The following CCDC25 variants were observed in gnomAD, a reference collection of about 807,000 sequenced individuals.
The protein encoded by CCDC25 is coiled-coil domain-containing protein 25.
A neutral mutation model predicts 35.3 loss-of-function variants in CCDC25; 16 were observed. The observed-to-expected ratio is 0.45, with a 90% CI of 0.31 to 0.69. CCDC25 has a LOEUF of 0.69. Among genes scored for constraint, CCDC25 ranks in the 30% least tolerant of loss-of-function variants. The pLI is 0.06. For missense variants in CCDC25, 179 were observed against 250.7 expected (o/e 0.71, Z 1.93); for synonymous variants, 79 against 80.3 (o/e 0.98, Z 0.09).
intron 1 of CCDC25, among the ~76,000 whole-genome samples, chr8:27,769,222 C>T (rs1256403915): frequency 6.6e-6 from 1 of 152,138 alleles, no homozygotes; most frequent in African/African-American, 2.4e-5. Context: ...AAAAGATCAG[C>T]TGCACAAGTG....
intron 8 of CCDC25, among the ~76,000 whole-genome samples, chr8:27,739,668 G>A (rs1285809908): frequency 6.6e-6 from 1 of 152,118 alleles, no homozygotes; most frequent in African/African-American, 2.4e-5. Flanking sequence ...TTTTACACAA[G>A]GGACTCAAGC....
At position 27,772,410 on chromosome 8, in the gene CCDC25, A is replaced by C. The variant is rs1804660305; in HGVS notation, c.28+103T>G. The C allele has an allele frequency of 1.2e-5, 14 of 1,188,082 alleles. No individual in the cohort carries two copies. The South Asian group carries it at 1.8e-4, about 16-fold the overall frequency. 73.6% of individuals were successfully genotyped at this position (1,188,082 alleles called of 1,614,324 possible). A position where few individuals can be genotyped will look rare whatever the true frequency, so the allele number is the denominator to read the frequency against. ...GCCGCGGGAAGAGGCACTCGCATCC[A>C]GAAGGCATTTTAGAGCGAGGGTCAG... On this transcript the variant is annotated intron_variant, in intron 1 of 8. Coordinates refer to ENST00000356537, the MANE Select transcript of CCDC25 (RefSeq NM_018246.3).
chr8:27,753,545 T>C (rs997806949), intron 4 of CCDC25, among the ~76,000 whole-genome samples: 3 of 152,106 alleles, frequency 2.0e-5, no homozygotes, highest in African/African-American at 7.2e-5. Flanking sequence ...ATCCCATATC[T>C]ACCAAAAAAA....
intron 5 of CCDC25, among the ~76,000 whole-genome samples, chr8:27,748,918 C>T (rs1803699987): frequency 6.6e-6 from 1 of 151,874 alleles, no homozygotes; most frequent in South Asian, 2.1e-4. Flanking sequence ...GAATATGTTT[C>T]CTCAGATTCT....
chr8:27,741,120 T>C (rs1803421015), intron 7 of CCDC25, among the ~76,000 whole-genome samples: 1 of 152,202 alleles, frequency 6.6e-6, no homozygotes, highest in Non-Finnish European at 1.5e-5. Flanking sequence ...TCAGGCTGGA[T>C]GTGGTGCCCA....
chr8:27,768,550 G>A (rs1804480779), intron 1 of CCDC25, among the ~76,000 whole-genome samples: 1 of 133,236 alleles, frequency 7.5e-6, no homozygotes, highest in African/African-American at 2.9e-5. Flanking sequence ...GGGAGACAGA[G>A]CAAGACTCCA....
At chr8:27,738,730 G>A (rs1803339587) in intron 8 of CCDC25, among the ~76,000 whole-genome samples, 1 of 152,076 alleles carries the variant, frequency 6.6e-6, no homozygotes, top group Non-Finnish European at 1.5e-5. Flanking sequence ...CTAGATTTCT[G>A]GTGGAAAGTG....
At chr8:27,747,387 A>C (rs1163619728) in intron 7 of CCDC25, among the ~76,000 whole-genome samples, 3 of 152,206 alleles carry the variant, frequency 2.0e-5, no homozygotes, top group African/African-American at 7.2e-5. Flanking sequence ...GAAAGGGAAG[A>C]TTCTCCCCTA....
Position 27,748,188 on chromosome 8 carries a change from T to G in CCDC25, c.440A>C (p.Glu147Ala). Residue 147 changes from glutamate (E) to alanine (A), a missense_variant, in exon 7 of 9, where the codon GAG (glutamate) becomes GCG (alanine). Transcript: ENST00000356537. The part of the protein sequence containing the change: ...KVERFPDLAA[E>A]KECRDREERN... ...CTCTTCACGATCTCTGCATTCTTTC[T>G]CTGCTGCTAGGTCTGGGAACCGCTC... is the stretch of plus-strand genomic sequence containing the variant. 6.2e-7 allele frequency: 1 copy of G among 1,613,972 alleles called. No individual in the cohort carries two copies. Among genetic ancestry groups the G allele is most frequent in the Non-Finnish European group, 8.5e-7 (1 of 1,179,846 alleles).
chr8:27,757,806 GTGGGGCCT>G (rs1275203579), intron 3 of CCDC25, among the ~76,000 whole-genome samples: 1 of 152,196 alleles, frequency 6.6e-6, no homozygotes, highest in African/African-American at 2.4e-5. Flanking sequence ...AGCGTTAGAA[GTGGGGCCT>G]GGTGGGAGGT....
chr8:27,760,458 G>T (rs1804186458), intron 3 of CCDC25, among the ~76,000 whole-genome samples: 1 of 152,112 alleles, frequency 6.6e-6, no homozygotes, highest in East Asian at 1.9e-4. Context: ...ATCCAGCTGG[G>T]GTTGGCAGGA....
rs1400985631 is a variant in CCDC25, at chr8:27,734,645, G to A, written c.*1571C>T. The A allele has an allele frequency of 1.3e-5, 2 of 152,138 alleles. No individual in the cohort carries two copies. The highest frequency in any genetic ancestry group is 1.9e-4 in the East Asian group (1 of 5,196). The allele number at this position is 152,138 out of a possible 1,614,324, so 9.4% of individuals were successfully genotyped here. The stretch of plus-strand genomic sequence containing the variant: ...AGAGACCTGGACATTTTAAACCAGT[G>A]TAAGCTGAGTTAGGAAATGTTTAAA... On this transcript the variant is annotated 3_prime_UTR_variant, in exon 9 of 9. Transcript: ENST00000356537.
intron 3 of CCDC25, among the ~76,000 whole-genome samples, chr8:27,760,907 C>T (rs368108577): frequency 2.0e-5 from 3 of 152,272 alleles, no homozygotes; most frequent in African/African-American, 7.2e-5. Context: ...GGGTAGATCA[C>T]CTGAGGTTAG....
Position 27,772,624 on chromosome 8 carries a change from G to T in CCDC25, c.-84C>A. The stretch of plus-strand genomic sequence containing the variant: ...TCAGGATACCAGACTCGCGGCGGCC[G>T]CCTGGCCCCCGGAACTCCTCCGTGC... On this transcript the variant is annotated 5_prime_UTR_variant, in exon 1 of 9. Transcript: ENST00000356537. 1.4e-6 allele frequency: 2 copies of T among 1,413,424 alleles called. No individual in the cohort carries two copies. The highest frequency in any genetic ancestry group is 1.9e-6 in the Non-Finnish European group (2 of 1,028,918). The allele number at this position is 1,413,424 out of a possible 1,614,324, so 87.6% of individuals were successfully genotyped here. A position where few individuals can be genotyped will look rare whatever the true frequency, so the allele number is the denominator to read the frequency against.
chr8:27,756,791 T>G, intron 3 of CCDC25, 21 bp from the exon 4 acceptor site: 1 of 1,588,932 alleles, frequency 6.3e-7, no homozygotes, highest in Non-Finnish European at 8.6e-7. Context: ...TGAAAACCAC[T>G]TTTAGCAAGA....
rs547427667 is a variant in CCDC25 at position 27,760,286 on chromosome 8, T to C, written c.116+2133A>G. Among the ~76,000 whole-genome samples, 7 of 152,352 alleles carry C rather than the reference T, an allele frequency of 4.6e-5. No individual in the cohort carries two copies. The South Asian group carries it at 1.4e-3, about 32-fold the overall frequency. On this transcript the variant is annotated intron_variant, in intron 3 of 8. Transcript: ENST00000356537. ...ATGAAAGTCAGGTAGAAGGCTGTGG[T>C]ACACTGATTTTCAGGCTGCATCTGA...
In CCDC25 at chr8:27,772,597, G is replaced by A; in HGVS notation, c.-57C>T. Reference sequence around the variant, plus strand: ...GGAGCAGCAGCGCTCAACTCACGAAGCTCAGGATACCAGACTCGCGGCGGC... The same window carrying A: ...GGAGCAGCAGCGCTCAACTCACGAAACTCAGGATACCAGACTCGCGGCGGC... On this transcript the variant is annotated 5_prime_UTR_variant, in exon 1 of 9. Transcript: ENST00000356537. 2 of 1,525,808 alleles carry A rather than the reference G, an allele frequency of 1.3e-6. No individual in the cohort carries two copies. Among genetic ancestry groups the A allele is most frequent in the South Asian group, 1.2e-5 (1 of 83,356 alleles). 94.5% of individuals were successfully genotyped at this position (1,525,808 alleles called of 1,614,324 possible).
chr8:27,736,516 C>T (rs985200864), intron 8 of CCDC25, among the ~76,000 whole-genome samples: 1 of 152,176 alleles, frequency 6.6e-6, no homozygotes, highest in Non-Finnish European at 1.5e-5. Context: ...GTAAGTCCCA[C>T]CTGACCTAGT....
At chr8:27,736,294 A>G (rs749308198) in intron 8 of CCDC25, 49 bp from the exon 9 acceptor site, 47 of 1,434,330 alleles carry the variant, frequency 3.3e-5, no homozygotes, top group Non-Finnish European at 4.1e-5. Flanking sequence ...AAATAATTCA[A>G]TATTTAAAAT....
Sources: gnomAD v4.1 joint callset for allele counts (sites outside exome capture counted in the v4.1 genomes callset) on GRCh38, gnomAD v4.1.1 for gene constraint, MANE v1.5 for transcripts, NCBI Gene and HGNC (gene_info 2026-07-23, HGNC 2026-07-21) for gene names.